APPL2: variants seen among roughly 807,000 people sequenced by gnomAD.
The protein encoded by APPL2 is adaptor protein, phosphotyrosine interacting with PH domain and leucine zipper 2, also known as DCC-interacting protein 13-beta.
In APPL2, 84 loss-of-function variants were observed where a neutral mutation model predicts 92.7. The ratio of observed to expected loss-of-function variants is 0.91; its 90% confidence interval spans 0.76 to 1.09. The LOEUF is 1.09. APPL2 is among the 50% of genes least tolerant of loss of function. The pLI is 0.00. For synonymous variants in APPL2, 291 were observed against 291.0 expected (o/e 1.00, Z 0.00); for missense variants, 736 against 824.5 (o/e 0.89, Z 1.31).
At chr12:105,176,123 A>G (rs777967111) in intron 19 of APPL2, 41 bp from the exon 20 acceptor site, 18 of 1,549,742 alleles carry the variant, frequency 1.2e-5, no homozygotes, top group Middle Eastern at 1.7e-4. Context: ...AAAAGTAGAG[A>G]AGGATAAAAT....
Position 105,197,906 on chromosome 12 carries a change from G to A in APPL2, c.911C>T (p.Thr304Ile). The A allele has an allele frequency of 1.2e-6, 2 of 1,614,170 alleles. No individual in the cohort carries two copies. Among genetic ancestry groups the A allele is most frequent in the South Asian group, 1.1e-5 (1 of 91,090 alleles). ...CTGACACATGAGATTCCCGCCTTGGGTGAAGAAATAAAGCCTCTCCCAGGT... is the reference window on the plus strand; with the variant it reads ...CTGACACATGAGATTCCCGCCTTGGATGAAGAAATAAAGCCTCTCCCAGGT... ...TTTWERLYFF[T>I]QGGNLMCQPR... Residue 304 changes from threonine (T) to isoleucine (I), a missense_variant, in exon 11 of 21, where the codon ACC becomes ATC. Physicochemically the swap from Thr to Ile is moderately conservative, Grantham distance 89. Transcript: ENST00000258530.
chr12:105,217,180 A>C, intron 3 of APPL2, 40 bp from the exon 4 acceptor site: 1 of 1,398,612 alleles, frequency 7.1e-7, no homozygotes, highest in Non-Finnish European at 1.0e-6. Context: ...TTAAGTGAAT[A>C]CTGGGGAATT....
chr12:105,208,264 G>A (rs1888920834), intron 5 of APPL2, 65 bp from the exon 6 acceptor site: 1 of 1,573,498 alleles, frequency 6.4e-7, no homozygotes, highest in Non-Finnish European at 8.7e-7. Context: ...CCAGAGCTCT[G>A]CACTTTCCCC....
Position 105,195,269 on chromosome 12 carries a change from T to C in APPL2, c.1233A>G (p.Ser411=). The C allele has an allele frequency of 6.2e-7, 1 of 1,613,784 alleles. No individual in the cohort carries two copies. The highest frequency in any genetic ancestry group is 8.5e-7 in the Non-Finnish European group (1 of 1,179,630). ...ITSFGKKQES[S]CPSQNLKNSE... ...CTTTGTCCTTTAGTTACCTGGGGCA[T>C]GAGCTTTCTTGTTTTTTTCCAAAAC... is the stretch of plus-strand genomic sequence containing the variant. Residue 411 remains serine (S), a synonymous_variant, in exon 14 of 21, where the codon TCA becomes TCG. Coordinates refer to ENST00000258530, the MANE Select transcript of APPL2 (RefSeq NM_018171.5).
intron 1 of APPL2, 57 bp from the exon 2 acceptor site, chr12:105,229,280 G>C (rs1481445796): frequency 6.7e-7 from 1 of 1,491,096 alleles, no homozygotes; most frequent in Non-Finnish European, 9.2e-7. Context: ...AGTTACAGAG[G>C]AGGAGGAAGA....
Position 105,176,038 on chromosome 12 carries a change from C to G in APPL2, c.1857G>C (p.Gln619His), listed in dbSNP as rs1357754883. Residue 619 changes from glutamine (Q) to histidine (H), a missense_variant, in exon 20 of 21, where the codon CAG (glutamine) becomes CAC (histidine). Gln to His is a conservative substitution (Grantham distance 24). Coordinates refer to ENST00000258530, the MANE Select transcript of APPL2 (RefSeq NM_018171.5). Reference sequence around the variant, plus strand: ...CCAGCGCTAGAATGCATCTTACCTTCTGAACCTCAATAATTTCTTTTCCCA... The same window carrying G: ...CCAGCGCTAGAATGCATCTTACCTTGTGAACCTCAATAATTTCTTTTCCCA... The part of the protein sequence containing the change: ...INLGKEIIEV[Q>H]KDPEALAQLM... 2.5e-6 allele frequency: 4 copies of G among 1,591,646 alleles called. No individual in the cohort carries two copies. Among genetic ancestry groups the G allele is most frequent in the Non-Finnish European group, 3.4e-6 (4 of 1,171,522 alleles).
chr12:105,202,235 T>C (rs1341376009), intron 9 of APPL2, among the ~76,000 whole-genome samples: 1 of 152,206 alleles, frequency 6.6e-6, no homozygotes, highest in Non-Finnish European at 1.5e-5. Flanking sequence ...AGCCCCAGCC[T>C]GCACAGAGAA....
At chr12:105,193,090 C>A (rs187776855) in intron 14 of APPL2, among the ~76,000 whole-genome samples, 2 of 152,162 alleles carry the variant, frequency 1.3e-5, no homozygotes, top group Admixed American at 1.3e-4. Context: ...AATCACTGGG[C>A]TAATTCAGCT....
intron 20 of APPL2, 99 bp downstream of exon 20, chr12:105,175,936 T>C: frequency 1.6e-6 from 2 of 1,236,344 alleles, no homozygotes; most frequent in Middle Eastern, 2.3e-4. Flanking sequence ...TTGGCCACAC[T>C]TTCCAGTGAA....
chr12:105,202,988 T>A (rs1294592492), intron 9 of APPL2, among the ~76,000 whole-genome samples: 2 of 150,038 alleles, frequency 1.3e-5, no homozygotes, highest in Non-Finnish European at 3.0e-5. Flanking sequence ...ATTCATTATT[T>A]CCATTTTGTC....
In APPL2 at chr12:105,174,204, G is replaced by C; in HGVS notation, c.*110C>G. 2 of 1,349,316 alleles carry C rather than the reference G, an allele frequency of 1.5e-6. No homozygotes were observed. Among genetic ancestry groups the C allele is most frequent in the Non-Finnish European group, 2.0e-6 (2 of 1,002,162 alleles). The allele number at this position is 1,349,316 out of a possible 1,614,324, so 83.6% of individuals were successfully genotyped here. A position where few individuals can be genotyped will look rare whatever the true frequency, so the allele number is the denominator to read the frequency against. On this transcript the variant is annotated 3_prime_UTR_variant, in exon 21 of 21. Coordinates refer to ENST00000258530, the MANE Select transcript of APPL2 (RefSeq NM_018171.5). ...GGCATCAAGATTACATTCCACAAAC[G>C]ATTGTCAGCCTTCGGAAATCAGGTC...
chr12:105,205,333 A>C (rs1203403463), intron 8 of APPL2, among the ~76,000 whole-genome samples: 1 of 152,076 alleles, frequency 6.6e-6, no homozygotes, highest in Non-Finnish European at 1.5e-5. Flanking sequence ...CGAAAAATGA[A>C]AGATGCCATT....
At chr12:105,234,622 C>T (rs1265409111) in intron 1 of APPL2, among the ~76,000 whole-genome samples, 2 of 152,190 alleles carry the variant, frequency 1.3e-5, no homozygotes, top group African/African-American at 2.4e-5. Context: ...TTTCTGTGCA[C>T]CTCAGTTTCC....
intron 20 of APPL2, among the ~76,000 whole-genome samples, chr12:105,175,241 TAA>T (rs1885410323): frequency 6.6e-6 from 1 of 152,184 alleles, no homozygotes; most frequent in African/African-American, 2.4e-5. Context: ...GCCAAAAACA[TAA>T]AGACCCTTTA....
intron 9 of APPL2, among the ~76,000 whole-genome samples, chr12:105,202,039 T>C (rs1056752278): frequency 1.3e-5 from 2 of 152,192 alleles, no homozygotes; most frequent in Non-Finnish European, 2.9e-5. Context: ...ATCCCTTGGT[T>C]TGGAGAAAAG....
chr12:105,180,657 A>G (rs1886029069), intron 17 of APPL2, among the ~76,000 whole-genome samples: 1 of 152,140 alleles, frequency 6.6e-6, no homozygotes, highest in Admixed American at 6.5e-5. Flanking sequence ...AGTGGTTTGT[A>G]GTTCTCCTTG....
At chr12:105,210,800 A>C (rs56291025) in intron 5 of APPL2, among the ~76,000 whole-genome samples, 125,005 of 151,806 alleles carry the variant, frequency 0.82, 51,790 homozygotes, top group East Asian at 1. Flanking sequence ...CTTTCTCCAA[A>C]CCCCGCTTTC....
intron 8 of APPL2, 36 bp from the exon 9 acceptor site, chr12:105,203,821 C>G: frequency 1.3e-6 from 2 of 1,578,044 alleles, no homozygotes; most frequent in Non-Finnish European, 1.7e-6. Flanking sequence ...GAAAATCATC[C>G]AGGGAAGTGA....
intron 2 of APPL2, among the ~76,000 whole-genome samples, chr12:105,224,121 G>A (rs1240664181): frequency 1.3e-5 from 2 of 152,146 alleles, no homozygotes; most frequent in African/African-American, 2.4e-5. Context: ...CAGCATGAGG[G>A]AAAGCTGCAG....
Sources: gnomAD v4.1 joint callset for allele counts (sites outside exome capture counted in the v4.1 genomes callset) on GRCh38, gnomAD v4.1.1 for gene constraint, MANE v1.5 for transcripts, NCBI Gene and HGNC (gene_info 2026-07-23, HGNC 2026-07-21) for gene names.